Variants in HCFC2 observed in about 807,000 individuals in gnomAD.
HCFC2 encodes the protein host cell factor C2.
HCFC2 carries 18 observed loss-of-function variants against 89.2 expected under a neutral mutation model. The observed-to-expected ratio is 0.20, with a 90% CI of 0.14 to 0.30. The LOEUF (loss-of-function observed/expected upper bound fraction) is 0.30, where lower values mean the gene tolerates loss of function less well. Among genes scored for constraint, HCFC2 ranks in the 10% least tolerant of loss-of-function variants. The pLI, the probability that HCFC2 is intolerant of heterozygous loss-of-function variation, is 1.00. For missense variants in HCFC2, 578 were observed against 956.1 expected (o/e 0.60, Z 5.21); for synonymous variants, 308 against 335.7 (o/e 0.92, Z 0.90).
At chr12:104,070,852 T>C (rs1431425071) in intron 3 of HCFC2, among the ~76,000 whole-genome samples, 5 of 148,812 alleles carry the variant, frequency 3.4e-5, no homozygotes, top group Admixed American at 2.8e-4. Context: ...TCGCCCAGGC[T>C]GGAGTATAGT....
Position 104,103,551 on chromosome 12 carries a change from A to AC in HCFC2, c.*282dup, listed in dbSNP as rs534476335. On this transcript the variant is annotated 3_prime_UTR_variant, in exon 15 of 15. Transcript: ENST00000229330. ...AAGATAAAAGCTAGAAAGCTTTATT[A>AC]CCCCAATATCTTTTATAAGGGCTGT... 104 of 361,308 alleles carry AC rather than the reference A, an allele frequency of 2.9e-4. No homozygotes were observed. The South Asian group carries it at 3.9e-3, about 14-fold the overall frequency. 22.4% of individuals were successfully genotyped at this position (361,308 alleles called of 1,614,324 possible).
At position 104,082,626 on chromosome 12, in the gene HCFC2, C is replaced by G. The variant is rs777668420; in HGVS notation, c.874+20C>G. 5 of 1,578,750 alleles carry G rather than the reference C, an allele frequency of 3.2e-6. No homozygotes were observed. In the South Asian group the frequency reaches 5.7e-5, roughly 18 times the overall value. On this transcript the variant is annotated intron_variant, in intron 6 of 14. Transcript: ENST00000229330. ...ATCTGGGTGAGTCTTTTAAGAGTTA[C>G]TCATTGAATTAATCTTTATTAATAA... is the stretch of plus-strand genomic sequence containing the variant.
chr12:104,077,143 CTCCA>C (rs1883517946), intron 3 of HCFC2, among the ~76,000 whole-genome samples: 1 of 151,932 alleles, frequency 6.6e-6, no homozygotes. Context: ...ACCTTTTTTT[CTCCA>C]ACGTGTACTA....
At chr12:104,102,209 G>A in intron 14 of HCFC2, 56 bp downstream of exon 14, 3 of 1,456,708 alleles carry the variant, frequency 2.1e-6, no homozygotes, top group Non-Finnish European at 1.9e-6. Flanking sequence ...AATTTCACAT[G>A]TGAAGTAAAC....
At chr12:104,089,649 C>T (rs539846037) in intron 9 of HCFC2, among the ~76,000 whole-genome samples, 79 of 152,290 alleles carry the variant, frequency 5.2e-4, no homozygotes, top group African/African-American at 1.8e-3. Flanking sequence ...TACAATTTTG[C>T]CTCATCCCCT....
At chr12:104,087,477 A>G (rs1883900385) in intron 8 of HCFC2, among the ~76,000 whole-genome samples, 1 of 145,156 alleles carries the variant, frequency 6.9e-6, no homozygotes, top group East Asian at 2.0e-4. Flanking sequence ...ATATATATAT[A>G]TATATATGTA....
rs762059953 is a variant in HCFC2 at position 104,068,235 on chromosome 12, A to T, written c.473+128A>T. 21 of 710,744 alleles carry T rather than the reference A, an allele frequency of 3.0e-5. No individual in the cohort carries two copies. The highest frequency in any genetic ancestry group is 4.3e-5 in the Non-Finnish European group (20 of 470,238). The allele number at this position is 710,744 out of a possible 1,614,324, so 44.0% of individuals were successfully genotyped here. On this transcript the variant is annotated intron_variant, in intron 3 of 14. Transcript: ENST00000229330. This position sits in a 1 kb window ranked among gnomAD's most constrained non-coding sequence, Gnocchi z 4.1. ...TGCATTTCAACCTAACAGTGGACAG[A>T]TTTGTGTGTGTTTGTGTTTTCCTTA...
Position 104,101,933 on chromosome 12 carries a change from C to T in HCFC2, c.1879-35C>T, listed in dbSNP as rs571961809. 9.4e-6 allele frequency: 13 copies of T among 1,386,224 alleles called. 1 individual carries two copies. The South Asian group carries it at 1.8e-4, about 19-fold the overall frequency. 85.9% of individuals were successfully genotyped at this position (1,386,224 alleles called of 1,614,324 possible). On this transcript the variant is annotated intron_variant, in intron 13 of 14. Coordinates refer to ENST00000229330, the MANE Select transcript of HCFC2 (RefSeq NM_013320.3). ...TTAAAATTTTAATATATTAGTTGTA[C>T]CTTTTCTTTGACTTTTGCATATACT...
rs1295993658 is a variant in HCFC2, at chr12:104,082,617, T to C, written c.874+11T>C. ...CTTACCTAAATCTGGGTGAGTCTTTTAAGAGTTACTCATTGAATTAATCTT... is the reference window on the plus strand; with the variant it reads ...CTTACCTAAATCTGGGTGAGTCTTTCAAGAGTTACTCATTGAATTAATCTT... On this transcript the variant is annotated intron_variant, in intron 6 of 14. Coordinates refer to ENST00000229330, the MANE Select transcript of HCFC2 (RefSeq NM_013320.3). 5 of 1,589,838 alleles carry C rather than the reference T, an allele frequency of 3.1e-6. No homozygotes were observed. The highest frequency in any genetic ancestry group is 4.3e-6 in the Non-Finnish European group (5 of 1,159,516).
In HCFC2 at chr12:104,086,972, C is replaced by G. The variant is rs1883871336; in HGVS notation, c.1189C>G (p.Gln397Glu). The G allele has an allele frequency of 4.3e-6, 7 of 1,614,010 alleles. No homozygotes were observed. The highest frequency in any genetic ancestry group is 5.9e-6 in the Non-Finnish European group (7 of 1,179,906). The change falls in exon 8 of 15, where the codon CAA becomes GAA. Residue 397 changes from glutamine (Q) to glutamate (E), a missense_variant. By Grantham distance (29) the Gln-to-Glu change is conservative. Around this residue, in one of 4 missense-constraint regions of HCFC2, gnomAD observed 210 missense variants for 251.7 expected, o/e 0.83. Coordinates refer to ENST00000229330, the MANE Select transcript of HCFC2 (RefSeq NM_013320.3). Reference sequence around the variant, plus strand: ...GCAGTTGAGTACAGACTTGCCATACCAAGCTGCATCATCAGATTCTTCAGC... The same window carrying G: ...GCAGTTGAGTACAGACTTGCCATACGAAGCTGCATCATCAGATTCTTCAGC... Reference protein sequence around the residue: ...LLQLSTDLPYQAASSDSSAAP... With the variant: ...LLQLSTDLPYEAASSDSSAAP...
chr12:104,098,271 G>A (rs1884233255), intron 12 of HCFC2, 72 bp from the exon 13 acceptor site: 1 of 1,231,334 alleles, frequency 8.1e-7, no homozygotes, highest in Non-Finnish European at 1.1e-6. Context: ...TCACTGCATG[G>A]ACTTATTAAA....
intron 13 of HCFC2, among the ~76,000 whole-genome samples, chr12:104,101,051 T>G (rs2029921437): frequency 6.7e-6 from 1 of 150,116 alleles, no homozygotes; most frequent in Admixed American, 6.8e-5. Flanking sequence ...GAGAACACAG[T>G]GGCACTCTGT....
At position 104,067,885 on chromosome 12, in the gene HCFC2, T is replaced by C. The variant is rs770678076; in HGVS notation, c.313-62T>C. On this transcript the variant is annotated intron_variant, in intron 2 of 14. Coordinates refer to ENST00000229330, the MANE Select transcript of HCFC2 (RefSeq NM_013320.3). ...ATGTATTGATATGATGTTGCACTATTGACAATATAGGAGTGCTTTCTTGAT... is the reference window on the plus strand; with the variant it reads ...ATGTATTGATATGATGTTGCACTATCGACAATATAGGAGTGCTTTCTTGAT... The C allele has an allele frequency of 5.5e-6, 8 of 1,444,852 alleles. No homozygotes were observed. The South Asian group carries it at 1.2e-4, about 21-fold the overall frequency. The allele number at this position is 1,444,852 out of a possible 1,614,324, so 89.5% of individuals were successfully genotyped here.
In HCFC2 at chr12:104,095,186, A is replaced by G. The variant is rs1200032093; in HGVS notation, c.1463-174A>G. 6.6e-6 allele frequency among the ~76,000 whole-genome samples: 1 copy of G among 152,194 alleles called. No individual in the cohort carries two copies. Among genetic ancestry groups the G allele is most frequent in the Non-Finnish European group, 1.5e-5 (1 of 68,026 alleles). ...TGGATATCCATTATGGATATAATGCACTTTATTTTTCTAAACATTTTATGC... is the reference window on the plus strand; with the variant it reads ...TGGATATCCATTATGGATATAATGCGCTTTATTTTTCTAAACATTTTATGC... On this transcript the variant is annotated intron_variant, in intron 10 of 14. Coordinates refer to ENST00000229330, the MANE Select transcript of HCFC2 (RefSeq NM_013320.3). This position sits in a 1 kb window ranked among gnomAD's most constrained non-coding sequence, Gnocchi z 4.2.
At chr12:104,079,335 A>G (rs1438032679) in intron 3 of HCFC2, 110 bp from the exon 4 acceptor site, 7 of 836,090 alleles carry the variant, frequency 8.4e-6, no homozygotes, top group Non-Finnish European at 1.1e-5. Flanking sequence ...GCCTTTCTGT[A>G]CTATATGAAC....
Position 104,064,566 on chromosome 12 carries a change from G to A in HCFC2, c.6G>A (p.Ala2=). Residue 2 remains alanine (A), a synonymous_variant, in exon 1 of 15, where the codon GCG becomes GCA. Coordinates refer to ENST00000229330, the MANE Select transcript of HCFC2 (RefSeq NM_013320.3). This position sits in a 1 kb window ranked among gnomAD's most constrained non-coding sequence, Gnocchi z 7.3. M[A]APSLLNWRRV... The stretch of plus-strand genomic sequence containing the variant: ...GAGGGGCGGGGGTTGGGAAGATGGC[G>A]GCTCCCAGCCTCCTCAACTGGAGGC... 1.3e-6 allele frequency: 2 copies of A among 1,526,866 alleles called. No individual in the cohort carries two copies. Among genetic ancestry groups the A allele is most frequent in the Non-Finnish European group, 1.8e-6 (2 of 1,138,406 alleles). The allele number at this position is 1,526,866 out of a possible 1,614,324, so 94.6% of individuals were successfully genotyped here. A position where few individuals can be genotyped will look rare whatever the true frequency, so the allele number is the denominator to read the frequency against.
chr12:104,097,886 A>G (rs1416098100), intron 12 of HCFC2, among the ~76,000 whole-genome samples: 1 of 152,224 alleles, frequency 6.6e-6, no homozygotes, highest in Non-Finnish European at 1.5e-5. Flanking sequence ...AATCACAGGT[A>G]TTTCAAGTGC....
chr12:104,086,701 GTTTATCTGAGTAAAC>G, intron 7 of HCFC2, 131 bp from the exon 8 acceptor site: 1 of 490,670 alleles, frequency 2.0e-6, no homozygotes, highest in Non-Finnish European at 3.5e-6. Flanking sequence ...CTGTAGCTGT[GTTTATCTGAGTAAAC>G]TTTCCCTGTC....
chr12:104,071,120 C>T (rs986175793), intron 3 of HCFC2, among the ~76,000 whole-genome samples: 22 of 152,238 alleles, frequency 1.4e-4, no homozygotes, highest in Admixed American at 5.9e-4. Context: ...CTTTTACTTT[C>T]AACACATGTC....
Sources: allele counts gnomAD v4.1 joint callset (sites outside exome capture counted in the v4.1 genomes callset), GRCh38; gene constraint gnomAD v4.1.1; regional missense constraint gnomAD v4.1.1; non-coding constraint Gnocchi (gnomAD v3.1); transcripts MANE v1.5; gene names NCBI Gene and HGNC (gene_info 2026-07-23, HGNC 2026-07-21).